The following CIRBP variants were observed in gnomAD, a reference collection of about 807,000 sequenced individuals.
CIRBP encodes cold-inducible RNA-binding protein.
CIRBP carries 11 observed loss-of-function variants against 22.3 expected under a neutral mutation model. That is an observed-to-expected ratio of 0.49 (90% CI 0.31 to 0.82). CIRBP has a LOEUF of 0.82. Ranked by LOEUF, CIRBP falls within the 40% of genes least tolerant of loss-of-function variation. CIRBP has a pLI of 0.05. For missense variants in CIRBP, 456 were observed against 402.7 expected, an observed-to-expected ratio of 1.13 and a Z score of -1.13; for synonymous variants, 216 against 158.8, an observed-to-expected ratio of 1.36 and a Z score of -2.71.
At chr19:1,271,905 C>CT in intron 5 of CIRBP, 76 bp from the exon 6 acceptor site, 1 of 1,327,600 alleles carries the variant, frequency 7.5e-7, no homozygotes, top group Admixed American at 1.8e-5. Context: ...GGCATGGGGG[C>CT]TGGCGGCTCA....
At position 1,271,056 on chromosome 19, in the gene CIRBP, C is replaced by G; in HGVS notation, c.103+20C>G. 1 of 1,611,030 alleles carries G rather than the reference C, an allele frequency of 6.2e-7. No homozygotes were observed. Among genetic ancestry groups the G allele is most frequent in the Non-Finnish European group, 8.5e-7 (1 of 1,177,340 alleles). On this transcript the variant is annotated intron_variant, in intron 2 of 5. Transcript: ENST00000587896. The stretch of plus-strand genomic sequence containing the variant: ...CTGAAGGTGAGGCTGCTGCTGGGCC[C>G]GCGGCCCTGGGCGGGGGGGCTTGTG...
chr19:1,269,697 G>A, intron 1 of CIRBP: 2 of 339,816 alleles, frequency 5.9e-6, no homozygotes, highest in Non-Finnish European at 1.2e-5. Flanking sequence ...CCCGGATGGA[G>A]TGGCGCAGGG....
rs1268155019 is a variant in CIRBP, at chr19:1,274,795, C to A, written c.*2352C>A. On this transcript the variant is annotated 3_prime_UTR_variant, in exon 6 of 6. Transcript: ENST00000587896. ...AAAGTCGGATTCGAATAAAGGGCCA[C>A]GTGTGCACCCAGAAAGCCGAGTCTG... 2 of 153,438 alleles carry A rather than the reference C, an allele frequency of 1.3e-5. No individual in the cohort carries two copies. Among genetic ancestry groups the A allele is most frequent in the African/African-American group, 4.8e-5 (2 of 41,486 alleles). 9.5% of individuals were successfully genotyped at this position (153,438 alleles called of 1,614,324 possible). A position where few individuals can be genotyped will look rare whatever the true frequency, so the allele number is the denominator to read the frequency against.
chr19:1,271,930 A>G (rs372289434), intron 5 of CIRBP, 51 bp from the exon 6 acceptor site: 2 of 1,516,662 alleles, frequency 1.3e-6, no homozygotes, highest in Non-Finnish European at 1.8e-6. Flanking sequence ...GTTGTGGCAG[A>G]GCAGAAGTAG....
chr19:1,273,118 T>C lies in CIRBP; in HGVS notation c.*675T>C, dbSNP rs544746239. 6.6e-6 allele frequency: 1 copy of C among 152,288 alleles called. No individual in the cohort carries two copies. The highest frequency in any genetic ancestry group is 2.4e-5 in the African/African-American group (1 of 41,466). The allele number at this position is 152,288 out of a possible 1,614,324, so 9.4% of individuals were successfully genotyped here. A position where few individuals can be genotyped will look rare whatever the true frequency, so the allele number is the denominator to read the frequency against. On this transcript the variant is annotated 3_prime_UTR_variant, in exon 6 of 6. Coordinates refer to ENST00000587896, the MANE Select transcript of CIRBP (RefSeq NM_001300829.2). ...GTATTTGCAGTGGCTGAGGAATTCTTGTACGCAGTTTTCTTTGGCTTTACG... is the reference window on the plus strand; with the variant it reads ...GTATTTGCAGTGGCTGAGGAATTCTCGTACGCAGTTTTCTTTGGCTTTACG...
rs1424869551 is a variant in CIRBP at position 1,271,402 on chromosome 19, G to A, written c.284G>A (p.Gly95Asp). The A allele has an allele frequency of 2.5e-6, 4 of 1,613,844 alleles. No individual in the cohort carries two copies. The highest frequency in any genetic ancestry group is 3.4e-6 in the Non-Finnish European group (4 of 1,179,996). ...SSDNRSRGYR[G>D]GSAGGRGFFR... ...GACAACCGATCCCGTGGGTACCGTG[G>A]TGGCTCTGCCGGGGGCCGGGGCTTC... Residue 95 changes from glycine (G) to aspartate (D), a missense_variant, in exon 4 of 6, where the codon GGT becomes GAT. By Grantham distance (94) the Gly-to-Asp change is moderately conservative (BLOSUM62 -1). Coordinates refer to ENST00000587896, the MANE Select transcript of CIRBP (RefSeq NM_001300829.2).
In CIRBP at chr19:1,272,695, T is replaced by C. The variant is rs912337236; in HGVS notation, c.*252T>C. ...AAACATTTTGAAAAGCATTTACTTT[T>C]TTGACCACGAGCCATGAGTTTTCAA... On this transcript the variant is annotated 3_prime_UTR_variant, in exon 6 of 6. Transcript: ENST00000587896. 2.4e-5 allele frequency: 9 copies of C among 378,762 alleles called. No individual in the cohort carries two copies. Among genetic ancestry groups the C allele is most frequent in the East Asian group, 8.0e-5 (2 of 24,918 alleles). The allele number at this position is 378,762 out of a possible 1,614,324, so 23.5% of individuals were successfully genotyped here. A position where few individuals can be genotyped will look rare whatever the true frequency, so the allele number is the denominator to read the frequency against.
In CIRBP at chr19:1,274,135, G is replaced by A. The variant is rs1472538353; in HGVS notation, c.*1692G>A. The A allele has an allele frequency of 8.2e-5, 32 of 392,014 alleles. No individual in the cohort carries two copies. Among genetic ancestry groups the A allele is most frequent in the Non-Finnish European group, 7.2e-5 (16 of 222,390 alleles). 24.3% of individuals were successfully genotyped at this position (392,014 alleles called of 1,614,324 possible). On this transcript the variant is annotated 3_prime_UTR_variant, in exon 6 of 6. Transcript: ENST00000587896. ...CATACGGGTAGCTGGCTCCAGCTGC[G>A]CCAAGGTGCAGACCCGCCCTGGGCA...
Position 1,274,080 on chromosome 19 carries a change from G to T in CIRBP, c.*1637G>T. On this transcript the variant is annotated 3_prime_UTR_variant, in exon 6 of 6. Coordinates refer to ENST00000587896, the MANE Select transcript of CIRBP (RefSeq NM_001300829.2). ...TGTTGCCGCCATTAGTTTTTTTCTA[G>T]AGCCCACACTGGCCCACATAGCTCC... The T allele has an allele frequency of 2.6e-6, 1 of 381,602 alleles. No homozygotes were observed. The allele number at this position is 381,602 out of a possible 1,614,324, so 23.6% of individuals were successfully genotyped here. A position where few individuals can be genotyped will look rare whatever the true frequency, so the allele number is the denominator to read the frequency against.
At position 1,274,148 on chromosome 19, in the gene CIRBP, C is replaced by A. The variant is rs1040178792; in HGVS notation, c.*1705C>A. The stretch of plus-strand genomic sequence containing the variant: ...GGCTCCAGCTGCGCCAAGGTGCAGA[C>A]CCGCCCTGGGCATGCTGGCCTGTGA... On this transcript the variant is annotated 3_prime_UTR_variant, in exon 6 of 6. Transcript: ENST00000587896. 1.3e-5 allele frequency: 5 copies of A among 393,780 alleles called. No homozygotes were observed. Among genetic ancestry groups the A allele is most frequent in the African/African-American group, 1.0e-4 (5 of 48,518 alleles). 24.4% of individuals were successfully genotyped at this position (393,780 alleles called of 1,614,324 possible). A position where few individuals can be genotyped will look rare whatever the true frequency, so the allele number is the denominator to read the frequency against.
chr19:1,271,769 G>A (rs984243385), intron 5 of CIRBP, 137 bp downstream of exon 5: 29 of 706,802 alleles, frequency 4.1e-5, no homozygotes, highest in African/African-American at 5.4e-5. Flanking sequence ...AGGCCAAGAG[G>A]AGAGGAGACT....
In CIRBP at chr19:1,270,726, A is replaced by T. The variant is rs541427840; in HGVS notation, c.-6-202A>T. The T allele has an allele frequency of 2.3e-5, 13 of 563,908 alleles. No homozygotes were observed. The Admixed American group carries it at 3.9e-4, about 17-fold the overall frequency. The allele number at this position is 563,908 out of a possible 1,614,324, so 34.9% of individuals were successfully genotyped here. A position where few individuals can be genotyped will look rare whatever the true frequency, so the allele number is the denominator to read the frequency against. ...AGGTGGAGGCTGCAGTGACCCCTGC[A>T]CTCCAGTCTGGGTGACAGTTAGACA... is the stretch of plus-strand genomic sequence containing the variant. On this transcript the variant is annotated intron_variant, in intron 1 of 5. Transcript: ENST00000587896.
Position 1,272,485 on chromosome 19 carries a change from T to G in CIRBP, c.*42T>G, listed in dbSNP as rs564457020. The G allele has an allele frequency of 2.0e-6, 3 of 1,468,478 alleles. No homozygotes were observed. The Admixed American group carries it at 6.8e-5, about 33-fold the overall frequency. 91.0% of individuals were successfully genotyped at this position (1,468,478 alleles called of 1,614,324 possible). A position where few individuals can be genotyped will look rare whatever the true frequency, so the allele number is the denominator to read the frequency against. On this transcript the variant is annotated 3_prime_UTR_variant, in exon 6 of 6. Transcript: ENST00000587896. ...AGATCGTCCTTCCAATGGCTGTGTG[T>G]TTAAAGATTGTGGGAGCTTCGCTGA...
intron 3 of CIRBP, 37 bp from the exon 4 acceptor site, chr19:1,271,292 C>T: frequency 1.2e-6 from 2 of 1,613,978 alleles, no homozygotes; most frequent in Non-Finnish European, 8.5e-7. Context: ...GAGGATGGGG[C>T]ACCCACCTGC....
rs756834075 is a variant in CIRBP, at chr19:1,272,262, C to CCGCT, written c.714_717dup (p.Gly240ArgfsTer6). On this transcript the variant is annotated frameshift_variant, in exon 6 of 6. Transcript: ENST00000587896. LOFTEE classifies it low-confidence loss of function (END_TRUNC). ...CAAAAAGGCAAGGGAGAGCGAGGGCCCGCTGGGCAGTCAGCTAGGTGCATG... is the reference window on the plus strand; with the variant it reads ...CAAAAAGGCAAGGGAGAGCGAGGGCCCGCTCGCTGGGCAGTCAGCTAGGTGCATG... The CCGCT allele has an allele frequency of 6.2e-7, 1 of 1,610,796 alleles. No individual in the cohort carries two copies. The highest frequency in any genetic ancestry group is 8.5e-7 in the Non-Finnish European group (1 of 1,178,962).
At chr19:1,269,829 C>G (rs771725580) in intron 1 of CIRBP, 2 of 518,856 alleles carry the variant, frequency 3.9e-6, no homozygotes, top group Admixed American at 3.9e-5. Flanking sequence ...GCTTACCGAG[C>G]CTTAGTTTCC....
rs1248668535 is a variant in CIRBP, at chr19:1,271,318, T to G, written c.211-11T>G. 6.2e-7 allele frequency: 1 copy of G among 1,614,036 alleles called. No individual in the cohort carries two copies. Among genetic ancestry groups the G allele is most frequent in the East Asian group, 2.2e-5 (1 of 44,894 alleles). ...ACCCACCTGCTAACCCGTCCCGCCC[T>G]CTGTCTCCAGTCTGTAGATGGACGG... On this transcript the variant is annotated splice_polypyrimidine_tract_variant and intron_variant, in intron 3 of 5. Transcript: ENST00000587896.
rs1265771033 is a variant in CIRBP at position 1,272,730 on chromosome 19, G to A, written c.*287G>A. 3.3e-6 allele frequency: 1 copy of A among 303,794 alleles called. No individual in the cohort carries two copies. The highest frequency in any genetic ancestry group is 6.1e-6 in the Non-Finnish European group (1 of 164,822). 18.8% of individuals were successfully genotyped at this position (303,794 alleles called of 1,614,324 possible). On this transcript the variant is annotated 3_prime_UTR_variant, in exon 6 of 6. Transcript: ENST00000587896. ...AGCCATGAGTTTTCAAAAAAATCGG[G>A]GGTTGTGTGGGTTTTTGGTTTTTGT...
At chr19:1,271,494 G>A (rs1233229225) in intron 4 of CIRBP, 27 bp downstream of exon 4, 1 of 1,603,314 alleles carries the variant, frequency 6.2e-7, no homozygotes, top group East Asian at 2.2e-5. Flanking sequence ...GGTCCCTTGG[G>A]GATGCTGTGA....
Sources: gnomAD v4.1 joint callset for allele counts on GRCh38, gnomAD v4.1.1 for gene constraint, MANE v1.5 for transcripts, NCBI Gene and HGNC (gene_info 2026-07-23, HGNC 2026-07-21) for gene names.